The following BLMH variants were observed in gnomAD, a reference collection of about 807,000 sequenced individuals.
BLMH encodes the protein BLM hydrolase.
A neutral mutation model predicts 61.6 loss-of-function variants in BLMH; 32 were observed. The ratio of observed to expected loss-of-function variants is 0.52; its 90% CI spans 0.39 to 0.70. The LOEUF is 0.70. BLMH is among the 30% of genes least tolerant of loss of function. The pLI is 0.00. For synonymous variants in BLMH, 183 were observed against 193.8 expected (o/e 0.94, Z 0.46); for missense variants, 460 against 555.5 (o/e 0.83, Z 1.73).
At chr17:30,273,555 G>C (rs1908338327) in intron 7 of BLMH, 1 of 162,696 alleles carries the variant, frequency 6.1e-6, no homozygotes, top group African/African-American at 2.4e-5. Context: ...TTACAAGACA[G>C]GCATCTGCTT....
At chr17:30,254,520 T>G (rs1907761846) in intron 11 of BLMH, among the ~76,000 whole-genome samples, 1 of 152,116 alleles carries the variant, frequency 6.6e-6, no homozygotes, top group Non-Finnish European at 1.5e-5. Flanking sequence ...TGAAGAAATG[T>G]TTAGGTGATA....
intron 7 of BLMH, 72 bp from the exon 8 acceptor site, chr17:30,272,971 G>A (rs1302241522): frequency 4.0e-6 from 6 of 1,502,546 alleles, no homozygotes; most frequent in East Asian, 4.5e-5. Context: ...CTCTCCTCTA[G>A]GTTCATGTTT....
Position 30,255,647 on chromosome 17 carries a change from C to T in BLMH, c.1217-6479G>A, listed in dbSNP as rs144839324. 2.8e-3 allele frequency among the ~76,000 whole-genome samples: 421 copies of T among 152,246 alleles called. 4 individuals are homozygous for T. The highest frequency in any genetic ancestry group is 9.6e-3 in the African/African-American group (399 of 41,530). On this transcript the variant is annotated intron_variant, in intron 11 of 11. Transcript: ENST00000261714. ...GGCACGGTGGCTCATGCCTGTAATC[C>T]CAGCACTTTGGGAGGCCGAGGCGGG... is the stretch of plus-strand genomic sequence containing the variant.
intron 5 of BLMH, among the ~76,000 whole-genome samples, chr17:30,285,907 T>A (rs897839316): frequency 6.6e-6 from 1 of 152,202 alleles, no homozygotes; most frequent in African/African-American, 2.4e-5. Flanking sequence ...ATGACTATGG[T>A]TATGCCAGCC....
chr17:30,285,645 T>C, intron 5 of BLMH, 165 bp from the exon 6 acceptor site: 1 of 481,772 alleles, frequency 2.1e-6, no homozygotes, highest in Non-Finnish European at 3.6e-6. Flanking sequence ...CTTAAACACA[T>C]AGCTAAAAAT....
intron 6 of BLMH, among the ~76,000 whole-genome samples, chr17:30,278,147 T>C (rs1908473474): frequency 6.6e-6 from 1 of 152,182 alleles, no homozygotes; most frequent in Admixed American, 6.5e-5. Flanking sequence ...CCATGGTCTC[T>C]GATACTATAT....
At chr17:30,283,518 CTTTTTT>C (rs531841262) in intron 6 of BLMH, among the ~76,000 whole-genome samples, 2 of 127,046 alleles carry the variant, frequency 1.6e-5, no homozygotes, top group African/African-American at 3.1e-5. Flanking sequence ...ATACCTCCAT[CTTTTTT>C]TTTTTTTTTT....
chr17:30,254,625 A>C (rs1325186347), intron 11 of BLMH, among the ~76,000 whole-genome samples: 2 of 152,244 alleles, frequency 1.3e-5, no homozygotes, highest in Non-Finnish European at 2.9e-5. Flanking sequence ...ATAAAAAATG[A>C]AAATTTTATG....
intron 11 of BLMH, among the ~76,000 whole-genome samples, chr17:30,262,591 G>A (rs528198351): frequency 5.3e-5 from 8 of 152,230 alleles, no homozygotes; most frequent in South Asian, 2.1e-4. Context: ...TCAGGAGATC[G>A]AGACCATCCT....
rs185643713 is a variant in BLMH at position 30,285,315 on chromosome 17, A to G, written c.645+73T>C. On this transcript the variant is annotated intron_variant, in intron 6 of 11. Coordinates refer to ENST00000261714, the MANE Select transcript of BLMH (RefSeq NM_000386.4). ...TTGCCATGACTAAAGCTTCCTAATC[A>G]TTACTTTAACAGATGGGAATATTCT... The G allele has an allele frequency of 2.4e-5, 25 of 1,041,282 alleles. No individual in the cohort carries two copies. The Admixed American group carries it at 4.6e-4, about 19-fold the overall frequency. 64.5% of individuals were successfully genotyped at this position (1,041,282 alleles called of 1,614,324 possible).
chr17:30,254,291 G>C (rs536857956), intron 11 of BLMH, among the ~76,000 whole-genome samples: 6 of 152,174 alleles, frequency 3.9e-5, no homozygotes, highest in Non-Finnish European at 7.3e-5. Flanking sequence ...CTGTCTGGCA[G>C]CATGGAACTA....
chr17:30,265,286 T>C (rs1908070005), intron 11 of BLMH, among the ~76,000 whole-genome samples: 1 of 152,178 alleles, frequency 6.6e-6, no homozygotes, highest in African/African-American at 2.4e-5. Context: ...GGCTATCACA[T>C]ACAAGCCTGT....
intron 11 of BLMH, among the ~76,000 whole-genome samples, chr17:30,259,531 T>C (rs932966278): frequency 6.6e-6 from 1 of 152,078 alleles, no homozygotes; most frequent in Non-Finnish European, 1.5e-5. Context: ...ACTCCCTAGT[T>C]CTTCTTCTGT....
At position 30,285,125 on chromosome 17, in the gene BLMH, T is replaced by C. The variant is rs191977587; in HGVS notation, c.645+263A>G. ...ATCTGTTTCCTCAGTGCCAAACTCA[T>C]AGAAGGTATTTAATATTTATGAAAT... On this transcript the variant is annotated intron_variant, in intron 6 of 11. Coordinates refer to ENST00000261714, the MANE Select transcript of BLMH (RefSeq NM_000386.4). Among the ~76,000 whole-genome samples the C allele has an allele frequency of 6.6e-5, 10 of 152,300 alleles. No homozygotes were observed. In the East Asian group the frequency reaches 1.5e-3, roughly 24 times the overall value.
rs140867251 is a variant in BLMH at position 30,291,441 on chromosome 17, G to C, written c.81C>G (p.Ala27=). ...KLNSDPQFVL[A]QNVGTTHDLL... Reference sequence around the variant, plus strand: ...GGTCGTGGGTGGTCCCGACATTCTGGGCAAGTACGAACTGGGGGTCGGAAT... The same window carrying C: ...GGTCGTGGGTGGTCCCGACATTCTGCGCAAGTACGAACTGGGGGTCGGAAT... The change falls in exon 2 of 12, where the codon GCC becomes GCG. Residue 27 remains alanine, a synonymous_variant. Transcript: ENST00000261714. 2.5e-6 allele frequency: 4 copies of C among 1,614,080 alleles called. No individual in the cohort carries two copies. The African/African-American group carries it at 5.3e-5, about 22-fold the overall frequency.
At chr17:30,279,355 G>A (rs1908518761) in intron 6 of BLMH, among the ~76,000 whole-genome samples, 1 of 152,144 alleles carries the variant, frequency 6.6e-6, no homozygotes, top group Non-Finnish European at 1.5e-5. Context: ...GTATGTCAAG[G>A]GAAGCTACAC....
intron 11 of BLMH, among the ~76,000 whole-genome samples, chr17:30,255,107 T>C (rs944730874): frequency 2.0e-5 from 3 of 152,218 alleles, no homozygotes; most frequent in African/African-American, 7.2e-5. Context: ...TAAGTAAATC[T>C]TCGTGCACAG....
chr17:30,266,785 A>G (rs1007147612), intron 11 of BLMH, 100 bp downstream of exon 11: 1 of 1,079,532 alleles, frequency 9.3e-7, no homozygotes, highest in Non-Finnish European at 1.4e-6. Context: ...AGTGGAGCCA[A>G]TTACTGAGAA....
chr17:30,261,268 C>T (rs1190554154), intron 11 of BLMH, among the ~76,000 whole-genome samples: 1 of 152,218 alleles, frequency 6.6e-6, no homozygotes, highest in African/African-American at 2.4e-5. Flanking sequence ...AAACAAGACA[C>T]AACTGTCAGT....
Sources: allele counts gnomAD v4.1 joint callset (sites outside exome capture counted in the v4.1 genomes callset), GRCh38; gene constraint gnomAD v4.1.1; transcripts MANE v1.5; gene names NCBI Gene and HGNC (gene_info 2026-07-23, HGNC 2026-07-21).